The following FKBP6 variants were observed in gnomAD, a reference collection of about 807,000 sequenced individuals.
The protein encoded by FKBP6 is inactive peptidyl-prolyl cis-trans isomerase FKBP6.
A neutral mutation model predicts 41.7 loss-of-function variants in FKBP6; 29 were observed. That is an observed-to-expected ratio of 0.70 (90% CI 0.52 to 0.95). The LOEUF is 0.95. Among genes scored for constraint, FKBP6 ranks in the 40% least tolerant of loss-of-function variants. FKBP6 has a pLI of 0.00. For missense variants in FKBP6, 338 were observed against 408.7 expected, an observed-to-expected ratio of 0.83 and a Z score of 1.49; for synonymous variants, 130 against 165.1, an observed-to-expected ratio of 0.79 and a Z score of 1.63.
intron 4 of FKBP6, among the ~76,000 whole-genome samples, chr7:73,330,572 T>A (rs1804808672): frequency 6.6e-6 from 1 of 152,062 alleles, no homozygotes; most frequent in African/African-American, 2.4e-5. Context: ...GGTAAGGCTG[T>A]GAGTTTAAGG....
At chr7:73,332,843 A>T (rs1804889981) in intron 5 of FKBP6, among the ~76,000 whole-genome samples, 1 of 152,156 alleles carries the variant, frequency 6.6e-6, no homozygotes, top group Non-Finnish European at 1.5e-5. Context: ...TCATCATTTC[A>T]TGTCTCTGAC....
At chr7:73,348,815 TACAAA>T (rs1805405354) in intron 8 of FKBP6, among the ~76,000 whole-genome samples, 1 of 152,154 alleles carries the variant, frequency 6.6e-6, no homozygotes, top group Non-Finnish European at 1.5e-5. Flanking sequence ...TTTAAAAGGA[TACAAA>T]TGGGCCAGAC....
At position 73,358,232 on chromosome 7, in the gene FKBP6, G is replaced by A. The variant is rs1429809639; in HGVS notation, c.*54G>A. The A allele has an allele frequency of 6.6e-6, 1 of 152,136 alleles. No individual in the cohort carries two copies. Among genetic ancestry groups the A allele is most frequent in the Non-Finnish European group, 1.5e-5 (1 of 68,046 alleles). The allele number at this position is 152,136 out of a possible 1,614,324, so 9.4% of individuals were successfully genotyped here. On this transcript the variant is annotated 3_prime_UTR_variant, in exon 9 of 9. Transcript: ENST00000252037. ...GAGCTGTGGTTCTCCATCATTGGGG[G>A]AGTGGAAGGGAGCTCCCAGCGCAGC... is the stretch of plus-strand genomic sequence containing the variant.
In FKBP6 at chr7:73,328,213, G is replaced by C; in HGVS notation, c.-216G>C. ...ATCATACCTCGCACCTCACCGCGTG[G>C]CCTCTGTAGTTCCAGAGCTCGCGAG... On this transcript the variant is annotated 5_prime_UTR_variant, in exon 1 of 9. Coordinates refer to ENST00000252037, the MANE Select transcript of FKBP6 (RefSeq NM_003602.5). The C allele has an allele frequency of 1.0e-5, 16 of 1,548,924 alleles. No individual in the cohort carries two copies. The highest frequency in any genetic ancestry group is 1.4e-5 in the Non-Finnish European group (16 of 1,146,540).
chr7:73,337,062 GA>G, intron 5 of FKBP6: 1 of 325,292 alleles, frequency 3.1e-6, no homozygotes, highest in Non-Finnish European at 6.1e-6. Context: ...AGGGCCTGTA[GA>G]AAACTGTTTC....
rs559183254 is a variant in FKBP6, at chr7:73,356,509, A to G, written c.*3-1672A>G. Among the ~76,000 whole-genome samples the G allele has an allele frequency of 5.4e-4, 82 of 152,178 alleles. No individual in the cohort carries two copies. The South Asian group carries it at 5.4e-3, about 10-fold the overall frequency. On this transcript the variant is annotated intron_variant, in intron 8 of 8. Transcript: ENST00000252037. ...CATTTGGATTGCTAGACTTTTTAAT[A>G]TTTGCCAGGTTGGTGTATCTCAAAT...
chr7:73,350,538 C>T (rs879949187), intron 8 of FKBP6, among the ~76,000 whole-genome samples: 6 of 152,106 alleles, frequency 3.9e-5, no homozygotes, highest in Non-Finnish European at 8.8e-5. Flanking sequence ...GAAATTCCCC[C>T]CTCCTTTGCT....
chr7:73,333,641 C>T (rs1804916932), intron 5 of FKBP6, among the ~76,000 whole-genome samples: 1 of 152,240 alleles, frequency 6.6e-6, no homozygotes, highest in Admixed American at 6.5e-5. Context: ...CAGCTCTTGT[C>T]CTGGGGCTGC....
chr7:73,353,734 C>G (rs567969580), intron 8 of FKBP6, among the ~76,000 whole-genome samples: 1 of 150,954 alleles, frequency 6.6e-6, no homozygotes, highest in African/African-American at 2.4e-5. Flanking sequence ...TTCTTTTTTT[C>G]TTCTTTTTTT....
intron 7 of FKBP6, among the ~76,000 whole-genome samples, chr7:73,341,675 T>C (rs1345343346): frequency 6.6e-6 from 1 of 150,928 alleles, no homozygotes; most frequent in African/African-American, 2.4e-5. Flanking sequence ...TTTTTTTTTT[T>C]TTTTTTGAGA....
chr7:73,334,884 G>C (rs9784947), intron 5 of FKBP6, among the ~76,000 whole-genome samples: 18,965 of 152,100 alleles, frequency 0.12, 1,311 homozygotes, highest in Middle Eastern at 0.18. Context: ...TGACTCTGCT[G>C]CAGATATTTT....
In FKBP6 at chr7:73,328,406, G is replaced by A. The variant is rs782583942; in HGVS notation, c.-23G>A. On this transcript the variant is annotated 5_prime_UTR_variant, in exon 1 of 9. Coordinates refer to ENST00000252037, the MANE Select transcript of FKBP6 (RefSeq NM_003602.5). ...GGGGCGCACCAGGCCGAAGGCTCACGCCACAGGGAGGGCAGCTAGGACATG... is the reference window on the plus strand; with the variant it reads ...GGGGCGCACCAGGCCGAAGGCTCACACCACAGGGAGGGCAGCTAGGACATG... The A allele has an allele frequency of 6.4e-6, 10 of 1,568,380 alleles. No homozygotes were observed. In the Middle Eastern group the frequency reaches 8.3e-4, roughly 130 times the overall value.
At chr7:73,341,472 G>C (rs573157294) in intron 7 of FKBP6, 90 bp downstream of exon 7, 3 of 893,358 alleles carry the variant, frequency 3.4e-6, no homozygotes, top group East Asian at 4.8e-5. Context: ...GGACAGTCTG[G>C]CGGTGTTGCC....
intron 8 of FKBP6, among the ~76,000 whole-genome samples, chr7:73,350,623 A>G (rs145000449): frequency 2.6e-5 from 4 of 152,224 alleles, no homozygotes; most frequent in African/African-American, 9.6e-5. Flanking sequence ...CCTTGGGGAA[A>G]GAGGATCTTA....
At chr7:73,344,160 A>G (rs1805273521) in intron 8 of FKBP6, among the ~76,000 whole-genome samples, 1 of 152,236 alleles carries the variant, frequency 6.6e-6, no homozygotes, top group Non-Finnish European at 1.5e-5. Context: ...TCCAGTAAAA[A>G]TGAAGGGCAG....
chr7:73,354,905 C>T (rs1239207455), intron 8 of FKBP6, among the ~76,000 whole-genome samples: 4 of 152,206 alleles, frequency 2.6e-5, no homozygotes, highest in African/African-American at 7.2e-5. Context: ...CGACACCCAC[C>T]GCCACCGTGG....
At chr7:73,329,667 A>C (rs797032177) in intron 3 of FKBP6, 15 of 602,750 alleles carry the variant, frequency 2.5e-5, no homozygotes, top group African/African-American at 1.5e-4. Flanking sequence ...TGACTTAACT[A>C]ACCACTGGGA....
chr7:73,342,026 A>G (rs1805206788), intron 7 of FKBP6, among the ~76,000 whole-genome samples: 1 of 151,908 alleles, frequency 6.6e-6, no homozygotes, highest in African/African-American at 2.4e-5. Context: ...ACCAAGAACC[A>G]CTGCTCCTAA....
intron 8 of FKBP6, among the ~76,000 whole-genome samples, chr7:73,346,227 T>C (rs1291904198): frequency 1.3e-5 from 2 of 152,200 alleles, no homozygotes; most frequent in African/African-American, 2.4e-5. Context: ...GGGAAAGCCA[T>C]GCCTGCCCTG....
Sources: gnomAD v4.1 joint callset for allele counts (sites outside exome capture counted in the v4.1 genomes callset) on GRCh38, gnomAD v4.1.1 for gene constraint, MANE v1.5 for transcripts, NCBI Gene and HGNC (gene_info 2026-07-23, HGNC 2026-07-21) for gene names.